The following TMEM117 variants were observed in gnomAD, a reference collection of about 807,000 sequenced individuals.
TMEM117 encodes the protein transmembrane protein 117.
In TMEM117, 27 loss-of-function variants were observed where a neutral mutation model predicts 52.4. That is an observed-to-expected ratio of 0.51 (90% CI 0.38 to 0.71). The LOEUF is 0.71. TMEM117 is among the 30% of genes least tolerant of loss of function. The pLI, the probability that TMEM117 is intolerant of heterozygous loss-of-function variation, is 0.00. For missense variants in TMEM117, 556 were observed against 630.5 expected, an observed-to-expected ratio of 0.88 and a Z score of 1.26; for synonymous variants, 215 against 206.3, an observed-to-expected ratio of 1.04 and a Z score of -0.36.
intron 4 of TMEM117, among the ~76,000 whole-genome samples, chr12:44,181,915 A>T (rs1403782656): frequency 6.6e-6 from 1 of 152,000 alleles, no homozygotes. Context: ...CTTGATGGGG[A>T]TGGCCTTGAA....
chr12:44,114,645 G>A (rs886933165), intron 3 of TMEM117, among the ~76,000 whole-genome samples: 4 of 152,200 alleles, frequency 2.6e-5, no homozygotes, highest in African/African-American at 7.2e-5. Context: ...TAGTCAGTGA[G>A]GCCAATCATA....
chr12:44,244,002 C>A (rs993503216), intron 5 of TMEM117, among the ~76,000 whole-genome samples: 1 of 151,928 alleles, frequency 6.6e-6, no homozygotes, highest in African/African-American at 2.4e-5. Flanking sequence ...TATGTATATA[C>A]ATTTCCTTTA....
the TMEM117 span, among the ~76,000 whole-genome samples, chr12:43,811,105 G>A: frequency 6.6e-6 from 1 of 152,320 alleles, no homozygotes; most frequent in East Asian, 1.9e-4. Context: ...ACTAATATTT[G>A]ATGTGGCAAG....
chr12:44,230,656 A>G (rs1949920510), intron 5 of TMEM117, among the ~76,000 whole-genome samples: 1 of 152,026 alleles, frequency 6.6e-6, no homozygotes, highest in Non-Finnish European at 1.5e-5. Flanking sequence ...TTATTTTGGT[A>G]CTTCCCTATT....
intron 3 of TMEM117, among the ~76,000 whole-genome samples, chr12:43,974,651 C>G (rs1346954941): frequency 1.3e-5 from 2 of 152,106 alleles, no homozygotes; most frequent in Non-Finnish European, 2.9e-5. Flanking sequence ...TGATCTGTCT[C>G]TCTATCTCAA....
intron 4 of TMEM117, among the ~76,000 whole-genome samples, chr12:44,182,967 A>C (rs953003043): frequency 2.6e-5 from 4 of 152,132 alleles, no homozygotes; most frequent in Non-Finnish European, 5.9e-5. Flanking sequence ...ATTTTTTCAT[A>C]TTTAAGGATA....
At chr12:44,220,438 G>A (rs1345509787) in intron 5 of TMEM117, among the ~76,000 whole-genome samples, 1 of 152,170 alleles carries the variant, frequency 6.6e-6, no homozygotes, top group Non-Finnish European at 1.5e-5. Context: ...AAGATGGATA[G>A]TTACAAGGAT....
intron 5 of TMEM117, among the ~76,000 whole-genome samples, chr12:44,219,641 A>C (rs1006269367): frequency 2.0e-5 from 3 of 152,150 alleles, no homozygotes; most frequent in African/African-American, 7.2e-5. Context: ...TGCAAGGTTG[A>C]AATTAAATAC....
intron 6 of TMEM117, among the ~76,000 whole-genome samples, chr12:44,376,001 T>G (rs538893372): frequency 7.2e-5 from 11 of 152,320 alleles, no homozygotes; most frequent in South Asian, 2.1e-4. Flanking sequence ...TGATCCCTCA[T>G]GCTACCATGT....
At chr12:44,052,172 ATAAC>A (rs1946984382) in intron 3 of TMEM117, among the ~76,000 whole-genome samples, 2 of 152,218 alleles carry the variant, frequency 1.3e-5, no homozygotes, top group Non-Finnish European at 2.9e-5. Flanking sequence ...ATCTCATTGA[ATAAC>A]TAGGTTTCTT....
At chr12:43,938,245 T>C (rs930403118) in intron 2 of TMEM117, among the ~76,000 whole-genome samples, 6 of 147,808 alleles carry the variant, frequency 4.1e-5, no homozygotes, top group African/African-American at 1.5e-4. Context: ...TATATATTAT[T>C]ATATATTATA....
intron 2 of TMEM117, among the ~76,000 whole-genome samples, chr12:43,897,887 A>C (rs1238651145): frequency 1.3e-5 from 2 of 152,164 alleles, no homozygotes; most frequent in South Asian, 4.1e-4. Context: ...TGCTGGGATT[A>C]CAGGCATGAG....
chr12:43,878,806 T>C (rs1161998305), intron 2 of TMEM117, among the ~76,000 whole-genome samples: 1 of 152,210 alleles, frequency 6.6e-6, no homozygotes, highest in Non-Finnish European at 1.5e-5. Context: ...AAAAGTAAAA[T>C]TGGTTATTGC....
At chr12:43,800,420 A>G in the TMEM117 span, 4 of 1,594,192 alleles carry the variant, frequency 2.5e-6, no homozygotes, top group East Asian at 6.7e-5. Context: ...TAGAATCCAC[A>G]TACAAACATA....
intron 6 of TMEM117, among the ~76,000 whole-genome samples, chr12:44,343,998 G>T (rs1951451304): frequency 6.6e-6 from 1 of 152,090 alleles, no homozygotes; most frequent in African/African-American, 2.4e-5. Flanking sequence ...ACAGGTGGGG[G>T]CAGCTCATAG....
chr12:43,870,140 G>A (rs1417095307), intron 2 of TMEM117, among the ~76,000 whole-genome samples: 2 of 152,140 alleles, frequency 1.3e-5, no homozygotes, highest in African/African-American at 4.8e-5. Context: ...TGGTATGTAT[G>A]TACCATAATT....
chr12:43,953,015 C>T (rs1041745340), intron 3 of TMEM117, among the ~76,000 whole-genome samples: 6 of 152,064 alleles, frequency 3.9e-5, no homozygotes, highest in African/African-American at 1.4e-4. Context: ...AAAGAAATTC[C>T]AACCCAGAAT....
chr12:44,311,847 A>ATG (rs1174344480), intron 6 of TMEM117, among the ~76,000 whole-genome samples: 2,008 of 122,674 alleles, frequency 0.016, 143 homozygotes, highest in African/African-American at 0.067. Flanking sequence ...ATGTATATAT[A>ATG]TGTATATATG....
chr12:44,209,971 A>G (rs544147641), intron 4 of TMEM117, among the ~76,000 whole-genome samples: 2 of 152,196 alleles, frequency 1.3e-5, no homozygotes, highest in South Asian at 2.1e-4. Context: ...TCCCCACTGA[A>G]TCACAATCTT....
Sources: allele counts gnomAD v4.1 joint callset (sites outside exome capture counted in the v4.1 genomes callset), GRCh38; gene constraint gnomAD v4.1.1; transcripts MANE v1.5; gene names NCBI Gene and HGNC (gene_info 2026-07-23, HGNC 2026-07-21).